The following PTPRT variants were observed in gnomAD, a reference collection of about 807,000 sequenced individuals.
The protein encoded by PTPRT is protein tyrosine phosphatase receptor type T.
PTPRT carries 56 observed loss-of-function variants against 176.8 expected under a neutral mutation model. The ratio of observed to expected loss-of-function variants is 0.32; its 90% confidence interval spans 0.26 to 0.40. PTPRT has a LOEUF of 0.40. Ranked by LOEUF, PTPRT falls within the 10% of genes least tolerant of loss-of-function variation. The pLI is 1.00. For synonymous variants in PTPRT, 783 were observed against 739.0 expected, an observed-to-expected ratio of 1.06 and a Z score of -0.96; for missense variants, 1,540 against 1,908.2, an observed-to-expected ratio of 0.81 and a Z score of 3.60.
In PTPRT at chr20:42,463,880, C is replaced by T. The variant is rs145115785; in HGVS notation, c.1450+8386G>A. Among the ~76,000 whole-genome samples, 5 of 152,226 alleles carry T rather than the reference C, an allele frequency of 3.3e-5. No homozygotes were observed. In the East Asian group the frequency reaches 9.6e-4, roughly 29 times the overall value. The stretch of plus-strand genomic sequence containing the variant: ...TAATTTTAGTCTCATATTTCCTAGT[C>T]GTGTTGGAGAAAATACATTTGTTCC... On this transcript the variant is annotated intron_variant, in intron 8 of 30. Transcript: ENST00000373187.
chr20:42,299,099 G>A (rs2057424551), intron 12 of PTPRT, among the ~76,000 whole-genome samples: 1 of 151,892 alleles, frequency 6.6e-6, no homozygotes, highest in African/African-American at 2.4e-5. Context: ...AAACCGCCAA[G>A]AAATTAATGA....
chr20:43,105,924 C>T (rs546502751), intron 1 of PTPRT, among the ~76,000 whole-genome samples: 2 of 152,188 alleles, frequency 1.3e-5, no homozygotes, highest in Non-Finnish European at 2.9e-5. Flanking sequence ...ATACACTCTT[C>T]GGCACTCCAG....
At chr20:42,040,098 C>A in the PTPRT span, among the ~76,000 whole-genome samples, 1 of 152,006 alleles carries the variant, frequency 6.6e-6, no homozygotes, top group African/African-American at 2.4e-5. Context: ...GTCTCACCAA[C>A]ATTTTTTATC....
chr20:42,424,394 T>C (rs6030216), intron 9 of PTPRT, among the ~76,000 whole-genome samples: 123,575 of 152,098 alleles, frequency 0.81, 50,346 homozygotes, highest in Admixed American at 0.85. Flanking sequence ...GTAAGTTTCC[T>C]ACCAGTGGAT....
intron 7 of PTPRT, among the ~76,000 whole-genome samples, chr20:42,659,618 T>C (rs1353645216): frequency 6.6e-6 from 1 of 152,110 alleles, no homozygotes; most frequent in Non-Finnish European, 1.5e-5. Context: ...GTCAAATGCT[T>C]TGGGGTGGGT....
intron 7 of PTPRT, among the ~76,000 whole-genome samples, chr20:42,565,247 G>T (rs1211149412): frequency 6.6e-6 from 1 of 152,136 alleles, no homozygotes; most frequent in Non-Finnish European, 1.5e-5. Context: ...CTCAAACTGA[G>T]AAGCAAACCC....
At chr20:43,102,328 C>T (rs1479387712) in intron 1 of PTPRT, among the ~76,000 whole-genome samples, 1 of 108,242 alleles carries the variant, frequency 9.2e-6, no homozygotes, top group African/African-American at 3.7e-5. Flanking sequence ...ACATACACTT[C>T]CTATGAGGAG....
intron 15 of PTPRT, among the ~76,000 whole-genome samples, chr20:42,210,895 A>G (rs1454391785): frequency 1.2e-4 from 18 of 152,090 alleles, no homozygotes; most frequent in African/African-American, 4.3e-4. Context: ...ACTTCAAACT[A>G]TACTACAAGG....
intron 1 of PTPRT, among the ~76,000 whole-genome samples, chr20:43,133,306 C>A (rs1451260771): frequency 6.6e-6 from 1 of 152,130 alleles, no homozygotes; most frequent in Admixed American, 6.5e-5. Context: ...GACTACATTT[C>A]AGGGTAAGAA....
chr20:42,760,008 T>C (rs1733016084), intron 5 of PTPRT, among the ~76,000 whole-genome samples: 1 of 152,154 alleles, frequency 6.6e-6, no homozygotes, highest in Non-Finnish European at 1.5e-5. Context: ...GGAGTCAAGC[T>C]CCAGCCTGGT....
chr20:42,336,610 C>G (rs2058043452), intron 11 of PTPRT, among the ~76,000 whole-genome samples: 1 of 152,036 alleles, frequency 6.6e-6, no homozygotes, highest in African/African-American at 2.4e-5. Context: ...CAATTTTTTT[C>G]ATTTCAGTAA....
At chr20:42,633,784 A>AATATATATATATATATATATATAT (rs752371452) in intron 7 of PTPRT, among the ~76,000 whole-genome samples, 1 of 53,376 alleles carries the variant, frequency 1.9e-5, no homozygotes, top group African/African-American at 9.5e-5. Flanking sequence ...AGACTCTGAA[A>AATATATATATATATATATATATAT]ATATATATAT....
At chr20:42,474,755 A>G (rs1411960489) in intron 7 of PTPRT, among the ~76,000 whole-genome samples, 5 of 152,162 alleles carry the variant, frequency 3.3e-5, no homozygotes, top group Non-Finnish European at 7.3e-5. Context: ...AGAGCAATAA[A>G]TGGCTTGCCT....
intron 6 of PTPRT, among the ~76,000 whole-genome samples, chr20:42,746,862 A>T (rs926202947): frequency 4.6e-5 from 7 of 152,188 alleles, no homozygotes; most frequent in African/African-American, 1.7e-4. Flanking sequence ...AAGTTGGAGC[A>T]TATATGATCC....
chr20:43,166,815 C>T (rs562978164), intron 1 of PTPRT, among the ~76,000 whole-genome samples: 7 of 152,240 alleles, frequency 4.6e-5, no homozygotes, highest in African/African-American at 7.2e-5. Flanking sequence ...AATTCAACAC[C>T]GGGGTTATAA....
chr20:42,685,261 C>T (rs530199283), intron 6 of PTPRT: 6 of 152,194 alleles, frequency 3.9e-5, no homozygotes, highest in Non-Finnish European at 7.3e-5. Flanking sequence ...ATGCTATGTG[C>T]ATGCCTTCCC....
intron 6 of PTPRT, among the ~76,000 whole-genome samples, chr20:42,704,089 A>G (rs1474143905): frequency 6.6e-6 from 1 of 152,182 alleles, no homozygotes; most frequent in African/African-American, 2.4e-5. Flanking sequence ...ATCGCAAAAT[A>G]CCATGTATCT....
intron 7 of PTPRT, among the ~76,000 whole-genome samples, chr20:42,578,509 G>A (rs886856937): frequency 6.6e-6 from 1 of 152,030 alleles, no homozygotes; most frequent in African/African-American, 2.4e-5. Flanking sequence ...AAACTGAACT[G>A]CTGATCTTCC....
intron 7 of PTPRT, among the ~76,000 whole-genome samples, chr20:42,524,587 A>C (rs1413117832): frequency 6.6e-6 from 1 of 152,152 alleles, no homozygotes; most frequent in Non-Finnish European, 1.5e-5. Context: ...TTCCTGTAAT[A>C]AATCTAAGTG....
Sources: allele counts gnomAD v4.1 joint callset (sites outside exome capture counted in the v4.1 genomes callset), GRCh38; gene constraint gnomAD v4.1.1; transcripts MANE v1.5; gene names NCBI Gene and HGNC (gene_info 2026-07-23, HGNC 2026-07-21).